USP34: variants seen among roughly 807,000 people sequenced by gnomAD.
USP34 encodes ubiquitin specific peptidase 34.
Under a neutral mutation model 460.3 loss-of-function variants are expected in USP34, and 70 were observed. The observed-to-expected ratio is 0.15, with a 90% confidence interval of 0.13 to 0.19. The LOEUF (loss-of-function observed/expected upper bound fraction) is 0.19. USP34 is among the 10% of genes least tolerant of loss of function. The probability of loss-of-function intolerance (pLI) is 1.00; values close to 1 mark genes in which losing one functional copy is unlikely to be tolerated. For missense variants in USP34, 3,985 were observed against 4,236.2 expected (o/e 0.94, Z 1.65); for synonymous variants, 1,647 against 1,405.3 (o/e 1.17, Z -3.85).
At chr2:61,362,425 G>A (rs1169282599) in intron 10 of USP34, among the ~76,000 whole-genome samples, 1 of 152,118 alleles carries the variant, frequency 6.6e-6, no homozygotes, top group Non-Finnish European at 1.5e-5. Flanking sequence ...TTCCACAGAT[G>A]AATAGACAAA....
chr2:61,434,002 AAC>A (rs1207649493), intron 1 of USP34, among the ~76,000 whole-genome samples: 3 of 152,164 alleles, frequency 2.0e-5, no homozygotes, highest in Non-Finnish European at 2.9e-5. Flanking sequence ...AAGCCAAAGG[AAC>A]AGTCTGACAG....
intron 10 of USP34, 83 bp downstream of exon 10, chr2:61,370,238 G>T (rs1692578469): frequency 1.4e-6 from 2 of 1,418,560 alleles, no homozygotes; most frequent in African/African-American, 1.4e-5. Context: ...CTATAAAACA[G>T]GATAATAGAA....
At chr2:61,208,753 A>C in intron 70 of USP34, 146 bp downstream of exon 70, 1 of 415,428 alleles carries the variant, frequency 2.4e-6, no homozygotes, top group Admixed American at 4.5e-5. Context: ...TTCTTGGGAT[A>C]TAAATTCAGG....
chr2:61,276,334 TATA>T (rs1689371094), intron 41 of USP34, among the ~76,000 whole-genome samples: 1 of 152,020 alleles, frequency 6.6e-6, no homozygotes, highest in Non-Finnish European at 1.5e-5. Context: ...CAGTTTTTTC[TATA>T]ACTTCATAAA....
chr2:61,383,571 C>T (rs1199390839), intron 5 of USP34, among the ~76,000 whole-genome samples: 4 of 151,736 alleles, frequency 2.6e-5, no homozygotes, highest in Admixed American at 6.6e-5. Context: ...GGCATGGTGG[C>T]GCGCACCTGT....
intron 21 of USP34, among the ~76,000 whole-genome samples, chr2:61,323,139 G>A (rs1690977271): frequency 6.6e-6 from 1 of 152,156 alleles, no homozygotes. Context: ...TAGCACTTTG[G>A]GAAGGTAAGG....
intron 43 of USP34, 53 bp from the exon 44 acceptor site, chr2:61,259,829 T>C: frequency 1.3e-6 from 2 of 1,547,510 alleles, no homozygotes; most frequent in South Asian, 2.2e-5. Flanking sequence ...GGTAGTAAAT[T>C]AGGCATTCTA....
At chr2:61,441,061 G>A (rs920577089) in intron 1 of USP34, among the ~76,000 whole-genome samples, 28 of 151,274 alleles carry the variant, frequency 1.9e-4, no homozygotes, top group Admixed American at 1.4e-3. Context: ...CTGGGAGGCG[G>A]AGCTTGCAGT....
intron 75 of USP34, among the ~76,000 whole-genome samples, chr2:61,193,875 C>A (rs1686715159): frequency 1.3e-5 from 2 of 152,184 alleles, no homozygotes; most frequent in Non-Finnish European, 1.5e-5. Context: ...CACAGCTCAA[C>A]CCTGCTGAGG....
At chr2:61,345,918 C>T (rs1691753504) in intron 15 of USP34, among the ~76,000 whole-genome samples, 1 of 152,114 alleles carries the variant, frequency 6.6e-6, no homozygotes, top group South Asian at 2.1e-4. Flanking sequence ...TTATTGTTCC[C>T]ATTTTATAGA....
chr2:61,399,742 G>A (rs996961060), intron 3 of USP34, among the ~76,000 whole-genome samples: 11 of 151,668 alleles, frequency 7.3e-5, no homozygotes, highest in East Asian at 3.9e-4. Context: ...GCGTGGTGGC[G>A]GGCGCCTGTA....
chr2:61,228,959 A>C lies in USP34; in HGVS notation c.7236T>G (p.Gly2412=). 6.2e-7 allele frequency: 1 copy of C among 1,606,322 alleles called. No individual in the cohort carries two copies. Among genetic ancestry groups the C allele is most frequent in the Non-Finnish European group, 8.5e-7 (1 of 1,176,382 alleles). The stretch of plus-strand genomic sequence containing the variant: ...CAAAGCGAGTGACACATGAACGACC[A>C]CCAATATCTTCTACTGAGGTATCCA... ...DDMDTSVEDI[G]GRSCVTRFVR... Residue 2412 remains glycine (G), a synonymous_variant, in exon 60 of 80, where the codon GGT becomes GGG. Coordinates refer to ENST00000398571, the MANE Select transcript of USP34 (RefSeq NM_014709.4).
intron 1 of USP34, among the ~76,000 whole-genome samples, chr2:61,455,376 C>A (rs1468767323): frequency 6.6e-6 from 1 of 152,096 alleles, no homozygotes; most frequent in Non-Finnish European, 1.5e-5. Flanking sequence ...CAGAATTTCA[C>A]CATGTTGCCC....
chr2:61,295,582 A>G (rs1689999879), intron 30 of USP34, among the ~76,000 whole-genome samples: 1 of 152,218 alleles, frequency 6.6e-6, no homozygotes, highest in Non-Finnish European at 1.5e-5. Flanking sequence ...ATTGTGATCT[A>G]GTTGAGTGGG....
At chr2:61,427,263 C>T (rs571265952) in intron 1 of USP34, among the ~76,000 whole-genome samples, 2 of 152,266 alleles carry the variant, frequency 1.3e-5, no homozygotes, top group African/African-American at 2.4e-5. Context: ...CTCCTGACCT[C>T]GTGATCCACC....
At chr2:61,267,410 G>A (rs1471722104) in intron 41 of USP34, among the ~76,000 whole-genome samples, 23 of 151,074 alleles carry the variant, frequency 1.5e-4, no homozygotes, top group Admixed American at 1.5e-3. Flanking sequence ...GAAACGTTAA[G>A]TTTAGCTAGG....
chr2:61,256,863 T>C lies in USP34; in HGVS notation c.6126+10A>G, dbSNP rs1040665608. On this transcript the variant is annotated intron_variant, in intron 47 of 79. Coordinates refer to ENST00000398571, the MANE Select transcript of USP34 (RefSeq NM_014709.4). ...CATAAAGTAAAAAAATTATGTGCAT[T>C]ATTACTCACATAAATGTTCTTCATA... 3.9e-6 allele frequency: 6 copies of C among 1,554,412 alleles called. No homozygotes were observed. In the Admixed American group the frequency reaches 6.1e-5, roughly 16 times the overall value.
intron 8 of USP34, among the ~76,000 whole-genome samples, chr2:61,375,160 TTAA>T (rs1692754334): frequency 6.6e-6 from 1 of 152,132 alleles, no homozygotes; most frequent in South Asian, 2.1e-4. Context: ...CTCTACATCA[TTAA>T]TAATTAGGGA....
At position 61,311,638 on chromosome 2, in the gene USP34, T is replaced by C. The variant is rs1372996479; in HGVS notation, c.3719A>G (p.Glu1240Gly). 6.2e-7 allele frequency: 1 copy of C among 1,613,724 alleles called. No individual in the cohort carries two copies. The highest frequency in any genetic ancestry group is 8.5e-7 in the Non-Finnish European group (1 of 1,179,932). Residue 1240 changes from glutamate (E) to glycine (G), a missense_variant, in exon 27 of 80, where the codon GAA becomes GGA. Physicochemically the swap from Glu to Gly is moderately conservative, Grantham distance 98. Coordinates refer to ENST00000398571, the MANE Select transcript of USP34 (RefSeq NM_014709.4). The stretch of plus-strand genomic sequence containing the variant: ...TAAATTTTCATACCAATGAGTTACT[T>C]CAGCCCTAAGATCTGCTACCTGGTC... ...PSDQVADLRA[E>G]VTHWYENLQK...
Sources: allele counts gnomAD v4.1 joint callset (sites outside exome capture counted in the v4.1 genomes callset), GRCh38; gene constraint gnomAD v4.1.1; transcripts MANE v1.5; gene names NCBI Gene and HGNC (gene_info 2026-07-23, HGNC 2026-07-21).